The following ASIC2 variants were observed in gnomAD, a reference collection of about 807,000 sequenced individuals.
The protein encoded by ASIC2 is acid sensing ion channel subunit 2, also known as acid-sensing ion channel 2.
Under a neutral mutation model 57.3 loss-of-function variants are expected in ASIC2, and 25 were observed. The observed-to-expected ratio is 0.44, with a 90% CI of 0.32 to 0.61. The LOEUF (loss-of-function observed/expected upper bound fraction) is 0.61. ASIC2 is among the 20% of genes least tolerant of loss of function. The pLI is 0.06. For synonymous variants in ASIC2, 319 were observed against 307.5 expected (o/e 1.04, Z -0.39); for missense variants, 641 against 738.1 (o/e 0.87, Z 1.52).
At chr17:33,563,359 A>G (rs1219436256) in intron 1 of ASIC2, among the ~76,000 whole-genome samples, 1 of 152,198 alleles carries the variant, frequency 6.6e-6, no homozygotes, top group African/African-American at 2.4e-5. Flanking sequence ...TGAAGCCTAG[A>G]AAGAAGTGAC....
intron 2 of ASIC2, among the ~76,000 whole-genome samples, chr17:33,109,164 T>C: frequency 6.6e-6 from 1 of 151,998 alleles, no homozygotes; most frequent in East Asian, 1.9e-4. Flanking sequence ...GGGTGATGGG[T>C]GCAATAAAAT....
intron 1 of ASIC2, among the ~76,000 whole-genome samples, chr17:34,034,416 G>C (rs1319305776): frequency 6.6e-6 from 1 of 152,148 alleles, no homozygotes; most frequent in Admixed American, 6.5e-5. Flanking sequence ...TACTGAATGG[G>C]CAAAAACTCG....
In ASIC2 at chr17:33,291,577, G is replaced by A. The variant is rs769134070; in HGVS notation, c.539C>T (p.Pro180Leu). The A allele has an allele frequency of 5.6e-5, 90 of 1,609,866 alleles. No homozygotes were observed. The highest frequency in any genetic ancestry group is 7.3e-5 in the Non-Finnish European group (86 of 1,179,006). ...LVSELLRGDE[P>L]RRQWFRKLAD... ...CAGCTTGCGGAACCACTGGCGGCGC[G>A]GCTCGTCGCCCCGCAGCAGCTCGCT... The change falls in exon 1 of 10, where the codon CCG (proline) becomes CTG (leucine). Residue 180 changes from proline to leucine, a missense_variant. Transcript: ENST00000225823.
intron 1 of ASIC2, among the ~76,000 whole-genome samples, chr17:34,055,177 G>T (rs1290554700): frequency 1.3e-5 from 2 of 152,196 alleles, no homozygotes; most frequent in African/African-American, 4.8e-5. Flanking sequence ...CACTCTGTCT[G>T]CAGTAGAAAG....
At chr17:33,855,151 C>T (rs1286202181) in intron 1 of ASIC2, among the ~76,000 whole-genome samples, 1 of 152,116 alleles carries the variant, frequency 6.6e-6, no homozygotes, top group Non-Finnish European at 1.5e-5. Flanking sequence ...TGAGCTGACA[C>T]ACGAGGGAGA....
At chr17:33,921,303 G>A (rs1255787156) in intron 1 of ASIC2, among the ~76,000 whole-genome samples, 1 of 152,070 alleles carries the variant, frequency 6.6e-6, no homozygotes, top group Non-Finnish European at 1.5e-5. Context: ...TTGATGTGAA[G>A]AGTAAATAAA....
chr17:33,725,730 C>T (rs561999359), intron 1 of ASIC2, among the ~76,000 whole-genome samples: 2 of 149,066 alleles, frequency 1.3e-5, no homozygotes, highest in Non-Finnish European at 3.0e-5. Flanking sequence ...AACCCCCCCC[C>T]CCTTTTTTTA....
At chr17:33,455,022 A>G (rs1912399314) in intron 1 of ASIC2, among the ~76,000 whole-genome samples, 1 of 152,248 alleles carries the variant, frequency 6.6e-6, no homozygotes, top group Non-Finnish European at 1.5e-5. Context: ...TAGCAGCGAT[A>G]TACACAGATC....
chr17:33,562,032 C>A (rs540565870), intron 1 of ASIC2, among the ~76,000 whole-genome samples: 1 of 152,170 alleles, frequency 6.6e-6, no homozygotes, highest in Non-Finnish European at 1.5e-5. Context: ...CTGTTCCAAT[C>A]CGGAGTGATG....
intron 3 of ASIC2, among the ~76,000 whole-genome samples, chr17:33,058,483 A>C (rs993702754): frequency 9.1e-4 from 138 of 151,688 alleles, no homozygotes; most frequent in Non-Finnish European, 1.5e-3. Context: ...AAAAAAAAAA[A>C]AAAAAAAACA....
chr17:34,085,754 G>T (rs975471906), intron 1 of ASIC2, among the ~76,000 whole-genome samples: 2 of 151,948 alleles, frequency 1.3e-5, no homozygotes, highest in Non-Finnish European at 2.9e-5. Context: ...ACTTCTTCCT[G>T]GTTTAGTCTT....
intron 2 of ASIC2, among the ~76,000 whole-genome samples, chr17:33,093,157 T>C (rs1158173831): frequency 1.3e-5 from 2 of 152,130 alleles, no homozygotes; most frequent in Admixed American, 6.5e-5. Flanking sequence ...TTGTTAAAAA[T>C]TTATAAAAGT....
intron 1 of ASIC2, among the ~76,000 whole-genome samples, chr17:33,953,122 A>G (rs1904630525): frequency 6.6e-6 from 1 of 152,148 alleles, no homozygotes; most frequent in African/African-American, 2.4e-5. Context: ...GATCATCTAC[A>G]TACAATGCAT....
At chr17:33,465,764 G>A (rs571713607) in intron 1 of ASIC2, among the ~76,000 whole-genome samples, 1 of 152,194 alleles carries the variant, frequency 6.6e-6, no homozygotes, top group African/African-American at 2.4e-5. Context: ...AATCTGGAGA[G>A]GGGAAGAGAT....
intron 1 of ASIC2, among the ~76,000 whole-genome samples, chr17:33,797,452 T>C (rs1911950417): frequency 6.6e-6 from 1 of 152,218 alleles, no homozygotes; most frequent in Admixed American, 6.5e-5. Flanking sequence ...GGCGGTATTA[T>C]TGCATCCTGC....
chr17:33,764,462 A>G (rs1485187748), intron 1 of ASIC2, among the ~76,000 whole-genome samples: 3 of 152,160 alleles, frequency 2.0e-5, no homozygotes, highest in African/African-American at 7.2e-5. Flanking sequence ...ATAAAGAAAA[A>G]GAATTTGTTT....
At chr17:33,618,586 T>C (rs940318495) in intron 1 of ASIC2, among the ~76,000 whole-genome samples, 19 of 152,158 alleles carry the variant, frequency 1.2e-4, no homozygotes, top group Admixed American at 9.8e-4. Context: ...TTGCATTCTT[T>C]CTCCTCCTCA....
chr17:33,562,719 G>A (rs1741078758), intron 1 of ASIC2, among the ~76,000 whole-genome samples: 1 of 152,214 alleles, frequency 6.6e-6, no homozygotes, highest in Non-Finnish European at 1.5e-5. Context: ...CTAAGGCTTA[G>A]CCTCCAGAGG....
At chr17:33,793,443 T>C (rs563231282) in intron 1 of ASIC2, 1 of 152,358 alleles carries the variant, frequency 6.6e-6, no homozygotes, top group South Asian at 2.1e-4. Flanking sequence ...CTAAGTGCTG[T>C]GTGTACTTCA....
Sources: allele counts gnomAD v4.1 joint callset (sites outside exome capture counted in the v4.1 genomes callset), GRCh38; gene constraint gnomAD v4.1.1; transcripts MANE v1.5; gene names NCBI Gene and HGNC (gene_info 2026-07-23, HGNC 2026-07-21).